The following RIN3 variants were observed in gnomAD, a reference collection of about 807,000 sequenced individuals.
The protein encoded by RIN3 is RAB5 interacting protein 3.
Under a neutral mutation model 76.3 loss-of-function variants are expected in RIN3, and 54 were observed. The ratio of observed to expected loss-of-function variants is 0.71; its 90% CI spans 0.57 to 0.89. RIN3 has a LOEUF of 0.89. Among genes scored for constraint, RIN3 ranks in the 40% least tolerant of loss-of-function variants. The pLI is 0.00. For missense variants in RIN3, 1,256 were observed against 1,322.1 expected, an observed-to-expected ratio of 0.95 and a Z score of 0.78; for synonymous variants, 576 against 564.0, an observed-to-expected ratio of 1.02 and a Z score of -0.30.
At chr14:92,644,002 G>A (rs900445362) in intron 5 of RIN3, among the ~76,000 whole-genome samples, 1 of 152,092 alleles carries the variant, frequency 6.6e-6, no homozygotes, top group Non-Finnish European at 1.5e-5. Flanking sequence ...GACAAGATTT[G>A]CACCAAAGGC....
At chr14:92,517,453 G>A (rs960080627) in intron 1 of RIN3, among the ~76,000 whole-genome samples, 4 of 152,174 alleles carry the variant, frequency 2.6e-5, no homozygotes, top group African/African-American at 9.7e-5. Context: ...GCATCTGTGT[G>A]TTCAGAAAGA....
At chr14:92,595,233 G>A (rs1885112665) in intron 3 of RIN3, among the ~76,000 whole-genome samples, 1 of 152,236 alleles carries the variant, frequency 6.6e-6, no homozygotes, top group Non-Finnish European at 1.5e-5. Flanking sequence ...GGAAAAAAGA[G>A]AGGGTTGCAG....
chr14:92,536,482 A>G (rs1050394511), intron 1 of RIN3, among the ~76,000 whole-genome samples: 1 of 152,168 alleles, frequency 6.6e-6, no homozygotes, highest in African/African-American at 2.4e-5. Flanking sequence ...AGTGACTCAC[A>G]TCTGTAATCC....
chr14:92,659,934 C>G (rs775533548), intron 7 of RIN3, among the ~76,000 whole-genome samples: 18 of 152,180 alleles, frequency 1.2e-4, no homozygotes, highest in Non-Finnish European at 2.2e-4. Flanking sequence ...CTTGTGGCCA[C>G]AGAACTCTGA....
At chr14:92,539,966 C>T (rs554967783) in intron 1 of RIN3, among the ~76,000 whole-genome samples, 2 of 152,228 alleles carry the variant, frequency 1.3e-5, no homozygotes, top group African/African-American at 2.4e-5. Flanking sequence ...CTGCCTCTGC[C>T]GGCACCACCA....
At chr14:92,635,815 T>C (rs1296497703) in intron 4 of RIN3, among the ~76,000 whole-genome samples, 2 of 152,132 alleles carry the variant, frequency 1.3e-5, no homozygotes, top group Non-Finnish European at 2.9e-5. Flanking sequence ...ATCACACCAC[T>C]GCACTCCAGC....
At chr14:92,557,064 C>T (rs539095408) in intron 2 of RIN3, among the ~76,000 whole-genome samples, 1 of 152,356 alleles carries the variant, frequency 6.6e-6, no homozygotes, top group Non-Finnish European at 1.5e-5. Flanking sequence ...ACCAATCTGC[C>T]TCCGAAGTCA....
At chr14:92,631,616 GT>G (rs1483218223) in intron 4 of RIN3, among the ~76,000 whole-genome samples, 3 of 151,440 alleles carry the variant, frequency 2.0e-5, no homozygotes, top group South Asian at 4.2e-4. Context: ...GGCGGCGGGA[GT>G]GGGGGTTGGA....
intron 4 of RIN3, among the ~76,000 whole-genome samples, chr14:92,629,151 G>T (rs977746157): frequency 4.5e-5 from 5 of 109,946 alleles, no homozygotes; most frequent in African/African-American, 7.2e-5. Context: ...GAGAGAGAGA[G>T]AGATTGATTG....
rs1306892381 is a variant in RIN3, at chr14:92,561,040, A to ATATATATATATATATATATATAT, written c.249+5085_249+5086insTATATATATATATATATATATAT. Reference sequence around the variant, plus strand: ...CTGTCTAAAAAAAAAAAAAAAAAAAAAAAAATATATATATATCTGCCATAT... The same window carrying ATATATATATATATATATATATAT: ...CTGTCTAAAAAAAAAAAAAAAAAAAATATATATATATATATATATATATAAAAATATATATATATCTGCCATAT... On this transcript the variant is annotated intron_variant, in intron 2 of 9. Coordinates refer to ENST00000216487, the MANE Select transcript of RIN3 (RefSeq NM_024832.5). Among the ~76,000 whole-genome samples, 94 of 15,310 alleles carry ATATATATATATATATATATATAT rather than the reference A, an allele frequency of 6.1e-3. 5 individuals carry two copies. The highest frequency in any genetic ancestry group is 0.023 in the East Asian group (1 of 44). 10.0% of individuals were successfully genotyped at this position (15,310 alleles called of 152,430 possible).
At chr14:92,543,716 G>A (rs950371270) in intron 1 of RIN3, among the ~76,000 whole-genome samples, 2 of 150,134 alleles carry the variant, frequency 1.3e-5, no homozygotes, top group Non-Finnish European at 3.0e-5. Flanking sequence ...TCAAGTAGCT[G>A]GGATTACAGG....
At chr14:92,548,011 G>A (rs971819885) in intron 1 of RIN3, among the ~76,000 whole-genome samples, 2 of 152,138 alleles carry the variant, frequency 1.3e-5, no homozygotes, top group Non-Finnish European at 2.9e-5. Flanking sequence ...GCCTATTTAA[G>A]ATGATTTTAA....
intron 2 of RIN3, among the ~76,000 whole-genome samples, chr14:92,557,062 G>C (rs981102596): frequency 6.6e-6 from 1 of 151,986 alleles, no homozygotes; most frequent in Non-Finnish European, 1.5e-5. Flanking sequence ...CCACCAATCT[G>C]CCTCCGAAGT....
chr14:92,604,876 A>G (rs1283412464), intron 3 of RIN3, among the ~76,000 whole-genome samples: 1 of 127,152 alleles, frequency 7.9e-6, no homozygotes, highest in Non-Finnish European at 1.6e-5. Flanking sequence ...CCTTCTGTTG[A>G]GGCTTCCTGT....
At chr14:92,645,951 CAAA>C (rs35439699) in intron 5 of RIN3, among the ~76,000 whole-genome samples, 6 of 139,552 alleles carry the variant, frequency 4.3e-5, no homozygotes, top group Admixed American at 7.1e-5. Flanking sequence ...GACTCTCTCT[CAAA>C]AAAAAAAAAA....
chr14:92,532,209 G>A lies in RIN3; in HGVS notation c.44+18233G>A, dbSNP rs138042027. Among the ~76,000 whole-genome samples, 343 of 152,216 alleles carry A rather than the reference G, an allele frequency of 2.3e-3. 1 individual carries two copies. Among genetic ancestry groups the A allele is most frequent in the African/African-American group, 7.9e-3 (329 of 41,528 alleles). ...CTCCCAAAGTGCTGGGATTACAGGC[G>A]TGACTCCCTTCTCTTATCTTACTGC... On this transcript the variant is annotated intron_variant, in intron 1 of 9. Coordinates refer to ENST00000216487, the MANE Select transcript of RIN3 (RefSeq NM_024832.5).
At position 92,568,845 on chromosome 14, in the gene RIN3, G is replaced by A. The variant is rs1897984487; in HGVS notation, c.250-8515G>A. 6.6e-6 allele frequency among the ~76,000 whole-genome samples: 1 copy of A among 152,246 alleles called. No homozygotes were observed. The highest frequency in any genetic ancestry group is 1.5e-5 in the Non-Finnish European group (1 of 68,044). On this transcript the variant is annotated intron_variant, in intron 2 of 9. Coordinates refer to ENST00000216487, the MANE Select transcript of RIN3 (RefSeq NM_024832.5). The surrounding 1 kb of genome is among the most constrained non-coding windows in gnomAD (Gnocchi z 4.2). ...GTGATGGGTTCGGAGCTGGGGAGCTGGCAGAGTCCAACCTTGGGGACTTTC... is the reference window on the plus strand; with the variant it reads ...GTGATGGGTTCGGAGCTGGGGAGCTAGCAGAGTCCAACCTTGGGGACTTTC...
At position 92,513,827 on chromosome 14, in the gene RIN3, CCT is replaced by C; in HGVS notation, c.-105_-104del. On this transcript the variant is annotated 5_prime_UTR_variant, in exon 1 of 10. Transcript: ENST00000216487. The stretch of plus-strand genomic sequence containing the variant: ...AGCGCGGCGGCAGCGGCGGCCTGGC[CCT>C]TCCAGAGGGCCAGAGCCAGGGACAT... The C allele has an allele frequency of 1.3e-6, 1 of 740,834 alleles. No homozygotes were observed. Among genetic ancestry groups the C allele is most frequent in the Non-Finnish European group, 1.8e-6 (1 of 541,488 alleles). 45.9% of individuals were successfully genotyped at this position (740,834 alleles called of 1,614,324 possible). A position where few individuals can be genotyped will look rare whatever the true frequency, so the allele number is the denominator to read the frequency against.
At chr14:92,683,022 C>T (rs1238130656) in intron 8 of RIN3, among the ~76,000 whole-genome samples, 1 of 152,092 alleles carries the variant, frequency 6.6e-6, no homozygotes, top group Non-Finnish European at 1.5e-5. Flanking sequence ...AAAAAGTTAG[C>T]CAGGCGTGGT....
Sources: allele counts gnomAD v4.1 joint callset (sites outside exome capture counted in the v4.1 genomes callset), GRCh38; gene constraint gnomAD v4.1.1; non-coding constraint Gnocchi (gnomAD v3.1); transcripts MANE v1.5; gene names NCBI Gene and HGNC (gene_info 2026-07-23, HGNC 2026-07-21).